DNTT: variants seen among roughly 807,000 people sequenced by gnomAD.
The protein encoded by DNTT is DNA nucleotidylexotransferase.
DNTT carries 47 observed loss-of-function variants against 60.9 expected under a neutral mutation model. That is an observed-to-expected ratio of 0.77 (90% CI 0.61 to 0.98). DNTT has a LOEUF of 0.98. DNTT is among the 50% of genes least tolerant of loss of function. The pLI is 0.00. For synonymous variants in DNTT, 224 were observed against 221.2 expected, an observed-to-expected ratio of 1.01 and a Z score of -0.11; for missense variants, 665 against 627.5, an observed-to-expected ratio of 1.06 and a Z score of -0.64.
intron 1 of DNTT, among the ~76,000 whole-genome samples, chr10:96,314,962 T>C (rs1844770809): frequency 6.6e-6 from 1 of 152,132 alleles, no homozygotes; most frequent in African/African-American, 2.4e-5. Context: ...TGGGTCTCCT[T>C]AGTAATACTG....
intron 6 of DNTT, among the ~76,000 whole-genome samples, chr10:96,325,788 A>T (rs1021832777): frequency 3.3e-5 from 5 of 152,246 alleles, no homozygotes; most frequent in Admixed American, 2.0e-4. Flanking sequence ...CAATGGGAAT[A>T]GCTTAGAATA....
intron 10 of DNTT, among the ~76,000 whole-genome samples, chr10:96,337,395 G>A (rs1013556791): frequency 6.6e-5 from 10 of 152,214 alleles, no homozygotes; most frequent in Non-Finnish European, 1.5e-4. Flanking sequence ...AAGAGGAGTG[G>A]TTTCCCATAG....
intron 9 of DNTT, among the ~76,000 whole-genome samples, chr10:96,335,606 T>C (rs1845058074): frequency 6.6e-6 from 1 of 152,266 alleles, no homozygotes; most frequent in Non-Finnish European, 1.5e-5. Context: ...GCTATTCATT[T>C]ATTCATTCAA....
At position 96,319,346 on chromosome 10, in the gene DNTT, T is replaced by C; in HGVS notation, c.463T>C (p.Cys155Arg). The change falls in exon 3 of 11, where the codon TGT (cysteine) becomes CGT (arginine). Residue 155 changes from cysteine (C) to arginine (R), a missense_variant. Transcript: ENST00000371174. ...TGTACAAAAGATCTCCCAGTATGCG[T>C]GTCAGAGAAGAACCACTTTAAACAA... ...IAVQKISQYA[C>R]QRRTTLNNCN... The C allele has an allele frequency of 6.2e-7, 1 of 1,613,830 alleles. No individual in the cohort carries two copies. The highest frequency in any genetic ancestry group is 8.5e-7 in the Non-Finnish European group (1 of 1,179,770).
At chr10:96,308,827 C>T (rs1177936677) in intron 1 of DNTT, among the ~76,000 whole-genome samples, 2 of 152,254 alleles carry the variant, frequency 1.3e-5, no homozygotes, top group Non-Finnish European at 2.9e-5. Flanking sequence ...TTACAAAGAA[C>T]CTTCTTAAGG....
chr10:96,333,944 T>C (rs971901760), intron 9 of DNTT, among the ~76,000 whole-genome samples: 7 of 152,158 alleles, frequency 4.6e-5, no homozygotes, highest in African/African-American at 1.7e-4. Context: ...AAGTGTATAT[T>C]TCAAAGTAGC....
Position 96,333,053 on chromosome 10 carries a change from A to G in DNTT, c.1359+457A>G, listed in dbSNP as rs11819603. On this transcript the variant is annotated intron_variant, in intron 9 of 10. Coordinates refer to ENST00000371174, the MANE Select transcript of DNTT (RefSeq NM_004088.4). ...GGCAACTCACAGATTGGGAAAAAATATCTGCACATCATACATCACATAAGG... is the reference window on the plus strand; with the variant it reads ...GGCAACTCACAGATTGGGAAAAAATGTCTGCACATCATACATCACATAAGG... 5.5e-3 allele frequency among the ~76,000 whole-genome samples: 838 copies of G among 152,354 alleles called. 6 individuals carry two copies. The highest frequency in any genetic ancestry group is 0.018 in the African/African-American group (764 of 41,580).
chr10:96,308,205 A>G (rs1454843624), intron 1 of DNTT, among the ~76,000 whole-genome samples: 1 of 152,242 alleles, frequency 6.6e-6, no homozygotes, highest in Non-Finnish European at 1.5e-5. Context: ...CACACAAATT[A>G]GAAATGGTGT....
chr10:96,311,754 G>A (rs753545000), intron 1 of DNTT, among the ~76,000 whole-genome samples: 4 of 152,098 alleles, frequency 2.6e-5, no homozygotes, highest in Non-Finnish European at 2.9e-5. Context: ...AGCGATTCTC[G>A]TGCCTCAGCC....
At chr10:96,324,532 C>A in intron 6 of DNTT, 143 bp downstream of exon 6, 2 of 1,335,468 alleles carry the variant, frequency 1.5e-6, no homozygotes, top group Non-Finnish European at 2.0e-6. Flanking sequence ...TAAATCCTAG[C>A]TCCAGCAGTT....
chr10:96,304,737 A>G, intron 1 of DNTT, 37 bp downstream of exon 1: 1 of 1,597,386 alleles, frequency 6.3e-7, no homozygotes, highest in Non-Finnish European at 8.5e-7. Flanking sequence ...AAATAAGCAG[A>G]GGCTTTGTGA....
chr10:96,317,075 G>A (rs966850580), intron 1 of DNTT, among the ~76,000 whole-genome samples: 1 of 152,188 alleles, frequency 6.6e-6, no homozygotes, highest in Non-Finnish European at 1.5e-5. Context: ...TATGCTGTGT[G>A]CTCATGCTAT....
At chr10:96,329,922 C>T (rs570617082) in intron 8 of DNTT, among the ~76,000 whole-genome samples, 141 of 152,276 alleles carry the variant, frequency 9.3e-4, no homozygotes, top group African/African-American at 3.2e-3. Flanking sequence ...GAGAACTGGC[C>T]GCTCTGTACC....
intron 1 of DNTT, among the ~76,000 whole-genome samples, chr10:96,316,140 C>T (rs1245678970): frequency 1.3e-5 from 2 of 152,166 alleles, no homozygotes; most frequent in African/African-American, 4.8e-5. Flanking sequence ...CCGCTCCACC[C>T]CTTCCCCCAA....
chr10:96,321,721 G>A (rs1280231866), intron 4 of DNTT, among the ~76,000 whole-genome samples: 4 of 152,098 alleles, frequency 2.6e-5, no homozygotes, highest in Non-Finnish European at 5.9e-5. Context: ...TCATTTTAGA[G>A]AGACAGTGTG....
At position 96,338,300 on chromosome 10, in the gene DNTT, T is replaced by A; in HGVS notation, c.*76T>A. ...TGCTTCATATTAGTAAAAGATGCCATAGGAGAGTTTGGGGTTATTTAGGTC... is the reference window on the plus strand; with the variant it reads ...TGCTTCATATTAGTAAAAGATGCCAAAGGAGAGTTTGGGGTTATTTAGGTC... On this transcript the variant is annotated 3_prime_UTR_variant, in exon 11 of 11. Coordinates refer to ENST00000371174, the MANE Select transcript of DNTT (RefSeq NM_004088.4). The A allele has an allele frequency of 7.2e-7, 1 of 1,383,880 alleles. No homozygotes were observed. The highest frequency in any genetic ancestry group is 1.0e-6 in the Non-Finnish European group (1 of 1,001,424). 85.7% of individuals were successfully genotyped at this position (1,383,880 alleles called of 1,614,324 possible).
intron 2 of DNTT, 113 bp downstream of exon 2, chr10:96,318,639 C>T (rs1399465306): frequency 5.3e-6 from 7 of 1,325,986 alleles, no homozygotes; most frequent in East Asian, 2.5e-5. Context: ...ACCTGTGTGA[C>T]CTTGGGCAAG....
chr10:96,335,905 C>A lies in DNTT; in HGVS notation c.1374C>A (p.Asp458Glu), dbSNP rs765305559. Residue 458 changes from aspartate (D) to glutamate (E), a missense_variant, in exon 10 of 11, where the codon GAC (aspartate) becomes GAA (glutamate). Coordinates refer to ENST00000371174, the MANE Select transcript of DNTT (RefSeq NM_004088.4). ...GWTGSRQFER[D>E]LRRYATHERK... is the part of the protein sequence containing the mutation. ...CTCCTATCCAGCAGTTTGAGAGAGACCTCCGGCGCTATGCCACACATGAGC... is the reference window on the plus strand; with the variant it reads ...CTCCTATCCAGCAGTTTGAGAGAGAACTCCGGCGCTATGCCACACATGAGC... The A allele has an allele frequency of 1.9e-6, 3 of 1,614,156 alleles. No individual in the cohort carries two copies. The highest frequency in any genetic ancestry group is 2.5e-6 in the Non-Finnish European group (3 of 1,180,024).
At chr10:96,315,836 T>C (rs1844779771) in intron 1 of DNTT, among the ~76,000 whole-genome samples, 3 of 152,174 alleles carry the variant, frequency 2.0e-5, no homozygotes, top group Admixed American at 1.3e-4. Context: ...CACTTCCTAT[T>C]AATCCTTGAT....
Sources: allele counts gnomAD v4.1 joint callset (sites outside exome capture counted in the v4.1 genomes callset), GRCh38; gene constraint gnomAD v4.1.1; transcripts MANE v1.5; gene names NCBI Gene and HGNC (gene_info 2026-07-23, HGNC 2026-07-21).